The following ADAM7 variants were observed in gnomAD, a reference collection of about 807,000 sequenced individuals.
The protein encoded by ADAM7 is ADAM metallopeptidase domain 7.
ADAM7 carries 97 observed loss-of-function variants against 102.9 expected under a neutral mutation model. The observed-to-expected ratio is 0.94, with a 90% CI of 0.80 to 1.12. ADAM7 has a LOEUF of 1.12. Among genes scored for constraint, ADAM7 ranks in the 50% most tolerant of loss-of-function variants. The probability of loss-of-function intolerance (pLI) is 0.00; values close to 1 mark genes in which losing one functional copy is unlikely to be tolerated. For synonymous variants in ADAM7, 334 were observed against 304.4 expected (o/e 1.10, Z -1.01); for missense variants, 991 against 908.7 (o/e 1.09, Z -1.16).
chr8:24,501,347 A>G, intron 19 of ADAM7, 130 bp from the exon 20 acceptor site: 1 of 616,624 alleles, frequency 1.6e-6, no homozygotes, highest in East Asian at 3.1e-5. Flanking sequence ...CATTATTTCA[A>G]TATATTTAAC....
At position 24,466,994 on chromosome 8, in the gene ADAM7, T is replaced by C. The variant is rs1005373029; in HGVS notation, c.579+6T>C. 5.6e-6 allele frequency: 9 copies of C among 1,602,576 alleles called. No homozygotes were observed. The African/African-American group carries it at 8.0e-5, about 14-fold the overall frequency. ...AAGAAGACTCCAAAATAAAAGTGAG[T>C]ACTTTATTATTATCTTTACCCCAAA... On this transcript the variant is annotated splice_donor_region_variant and intron_variant, in intron 6 of 21. Coordinates refer to ENST00000175238, the MANE Select transcript of ADAM7 (RefSeq NM_003817.4).
Position 24,500,203 on chromosome 8 carries a change from A to C in ADAM7, c.1949A>C (p.His650Pro). 1 of 1,612,218 alleles carries C rather than the reference A, an allele frequency of 6.2e-7. No individual in the cohort carries two copies. Among genetic ancestry groups the C allele is most frequent in the Non-Finnish European group, 8.5e-7 (1 of 1,178,726 alleles). ...NPVDGHGLQCHCEEGQAPVAC... is the reference protein window; with the variant it reads ...NPVDGHGLQCPCEEGQAPVAC... Reference sequence around the variant, plus strand: ...GTGGATGGCCACGGACTCCAGTGCCACTGTGAGGAAGGACAGGCACCTGTA... The same window carrying C: ...GTGGATGGCCACGGACTCCAGTGCCCCTGTGAGGAAGGACAGGCACCTGTA... Residue 650 changes from histidine to proline, a missense_variant, in exon 18 of 22, where the codon CAC becomes CCC. Transcript: ENST00000175238.
intron 3 of ADAM7, among the ~76,000 whole-genome samples, chr8:24,450,982 GCATCCCAGGGATGAAGCCCACTTGAT>G (rs1303327059): frequency 5.1e-4 from 77 of 152,146 alleles, no homozygotes; most frequent in African/African-American, 1.9e-3. Context: ...AACCAGCCTT[GCATCCCAGGGATGAAGCCCACTTGAT>G]CATGGTGGAT....
At chr8:24,489,035 T>C in intron 11 of ADAM7, 124 bp from the exon 12 acceptor site, 1 of 834,858 alleles carries the variant, frequency 1.2e-6, no homozygotes, top group Non-Finnish European at 1.7e-6. Context: ...ACCCAGTTAC[T>C]TCCCTGCTCT....
intron 7 of ADAM7, among the ~76,000 whole-genome samples, chr8:24,473,714 C>T (rs1380588586): frequency 6.6e-6 from 1 of 151,936 alleles, no homozygotes; most frequent in African/African-American, 2.4e-5. Flanking sequence ...AGCTAATGTC[C>T]CTTATAAATG....
intron 20 of ADAM7, among the ~76,000 whole-genome samples, chr8:24,506,636 C>T (rs1399971923): frequency 1.3e-5 from 2 of 152,118 alleles, no homozygotes; most frequent in East Asian, 3.9e-4. Context: ...AGCCAGAGGG[C>T]TCTCCCCTGG....
At chr8:24,441,270 T>G in intron 1 of ADAM7, 110 bp downstream of exon 1, 4 of 1,068,716 alleles carry the variant, frequency 3.7e-6, no homozygotes, top group Non-Finnish European at 5.7e-6. Context: ...TTGATGATTT[T>G]TCTGAGAGCT....
intron 12 of ADAM7, 110 bp downstream of exon 12, chr8:24,489,443 T>C (rs774095732): frequency 2.3e-5 from 25 of 1,094,018 alleles, no homozygotes; most frequent in Non-Finnish European, 3.0e-5. Context: ...GTAAAACTTT[T>C]AAAAATTTTG....
At chr8:24,489,361 T>C (rs777534058) in intron 12 of ADAM7, 28 bp downstream of exon 12, 2 of 1,583,672 alleles carry the variant, frequency 1.3e-6, no homozygotes, top group South Asian at 2.4e-5. Context: ...TATCTTTAAA[T>C]TGCAAAATTT....
In ADAM7 at chr8:24,500,169, C is replaced by T. The variant is rs1218786002; in HGVS notation, c.1924-9C>T. ...TCATTTGAGAATATATCATTGACTG[C>T]TCTTCCAGGTGGATGGCCACGGACT... On this transcript the variant is annotated splice_polypyrimidine_tract_variant and intron_variant, in intron 17 of 21. Transcript: ENST00000175238. 2 of 1,607,172 alleles carry T rather than the reference C, an allele frequency of 1.2e-6. No individual in the cohort carries two copies. The highest frequency in any genetic ancestry group is 1.1e-5 in the South Asian group (1 of 90,298).
intron 16 of ADAM7, among the ~76,000 whole-genome samples, chr8:24,494,333 T>A (rs958535266): frequency 1.7e-4 from 26 of 152,204 alleles, no homozygotes; most frequent in African/African-American, 6.0e-4. Context: ...AAAATTAAGG[T>A]ATGTATGCTA....
chr8:24,499,954 T>G (rs972524081), intron 17 of ADAM7, among the ~76,000 whole-genome samples: 18 of 152,148 alleles, frequency 1.2e-4, no homozygotes, highest in Non-Finnish European at 1.5e-5. Flanking sequence ...GTCAGTATCA[T>G]TCTCTTATTC....
In ADAM7 at chr8:24,500,227, T is replaced by C; in HGVS notation, c.1973T>C (p.Val658Ala). ...QCHCEEGQAPVACEETLHVTN... is the reference protein window; with the variant it reads ...QCHCEEGQAPAACEETLHVTN... ...CACTGTGAGGAAGGACAGGCACCTG[T>C]AGCCTGTGAAGAAACCTTACATGTT... Residue 658 changes from valine to alanine, a missense_variant, in exon 18 of 22, where the codon GTA (valine) becomes GCA (alanine). Physicochemically the swap from Val to Ala is moderately conservative, Grantham distance 64. Coordinates refer to ENST00000175238, the MANE Select transcript of ADAM7 (RefSeq NM_003817.4). 6.2e-7 allele frequency: 1 copy of C among 1,611,994 alleles called. No homozygotes were observed. The highest frequency in any genetic ancestry group is 8.5e-7 in the Non-Finnish European group (1 of 1,178,440).
intron 4 of ADAM7, 72 bp downstream of exon 4, chr8:24,464,032 C>CTAGCTG: frequency 2.2e-6 from 3 of 1,359,452 alleles, no homozygotes; most frequent in Non-Finnish European, 2.1e-6. Flanking sequence ...AAACCCTGTT[C>CTAGCTG]TAGCTGTACA....
intron 19 of ADAM7, 142 bp from the exon 20 acceptor site, chr8:24,501,335 A>G (rs1347656078): frequency 2.4e-5 from 14 of 574,030 alleles, no homozygotes; most frequent in Non-Finnish European, 5.9e-6. Flanking sequence ...AATATAAAAA[A>G]GCATTATTTC....
rs551464906 is a variant in ADAM7, at chr8:24,451,936, C to T, written c.233+4674C>T. On this transcript the variant is annotated intron_variant, in intron 3 of 21. Transcript: ENST00000175238. ...AGTAGTCATTCAGGAGCAGGTTGTTCAGTTTCCATGTAGTTGAGCGGTTTT... is the reference window on the plus strand; with the variant it reads ...AGTAGTCATTCAGGAGCAGGTTGTTTAGTTTCCATGTAGTTGAGCGGTTTT... Among the ~76,000 whole-genome samples, 3 of 151,622 alleles carry T rather than the reference C, an allele frequency of 2.0e-5. No homozygotes were observed. The East Asian group carries it at 5.8e-4, about 29-fold the overall frequency.
chr8:24,454,027 G>T (rs1818905454), intron 3 of ADAM7, among the ~76,000 whole-genome samples: 1 of 152,204 alleles, frequency 6.6e-6, no homozygotes, highest in Admixed American at 6.5e-5. Flanking sequence ...TCTCAGAGGA[G>T]TACCCGGCTG....
Position 24,508,172 on chromosome 8 carries a change from G to A in ADAM7, c.*-374G>A, listed in dbSNP as rs190781684. On this transcript the variant is annotated intron_variant, in intron 21 of 21. Coordinates refer to ENST00000175238, the MANE Select transcript of ADAM7 (RefSeq NM_003817.4). Reference sequence around the variant, plus strand: ...AGTATGAAGATTCCTTCCACAAAGCGTTCTTATGAGGTGTAATAAGATACA... The same window carrying A: ...AGTATGAAGATTCCTTCCACAAAGCATTCTTATGAGGTGTAATAAGATACA... Among the ~76,000 whole-genome samples, 14 of 152,096 alleles carry A rather than the reference G, an allele frequency of 9.2e-5. No individual in the cohort carries two copies. In the East Asian group the frequency reaches 1.9e-3, roughly 21 times the overall value.
At chr8:24,457,051 A>C (rs1422422310) in intron 3 of ADAM7, among the ~76,000 whole-genome samples, 4 of 152,220 alleles carry the variant, frequency 2.6e-5, no homozygotes, top group African/African-American at 9.6e-5. Flanking sequence ...GGTGTTTGTC[A>C]AATTTTAGTA....
Sources: gnomAD v4.1 joint callset for allele counts (sites outside exome capture counted in the v4.1 genomes callset) on GRCh38, gnomAD v4.1.1 for gene constraint, MANE v1.5 for transcripts, NCBI Gene and HGNC (gene_info 2026-07-23, HGNC 2026-07-21) for gene names.